Variants in KAZN observed in about 807,000 individuals in gnomAD.
KAZN encodes the protein kazrin, periplakin interacting protein.
In KAZN, 40 loss-of-function variants were observed where a neutral mutation model predicts 87.4. That is an observed-to-expected ratio of 0.46 (90% CI 0.36 to 0.60). The LOEUF is 0.60. Ranked by LOEUF, KAZN falls within the 20% of genes least tolerant of loss-of-function variation. The pLI, the probability that KAZN is intolerant of heterozygous loss-of-function variation, is 0.00. For missense variants in KAZN, 898 were observed against 1,073.9 expected, an observed-to-expected ratio of 0.84 and a Z score of 2.29; for synonymous variants, 466 against 458.3, an observed-to-expected ratio of 1.02 and a Z score of -0.22.
chr1:15,048,843 T>C (rs1673965011), intron 4 of KAZN, among the ~76,000 whole-genome samples: 1 of 151,190 alleles, frequency 6.6e-6, no homozygotes, highest in Admixed American at 6.6e-5. Flanking sequence ...TCGTTGGTCC[T>C]GGGTCGTTGG....
chr1:14,114,376 A>G (rs886951531), intron 1 of KAZN, among the ~76,000 whole-genome samples: 2 of 152,098 alleles, frequency 1.3e-5, no homozygotes, highest in African/African-American at 4.8e-5. Flanking sequence ...GGGAGGCAGG[A>G]TATGACTCTG....
At chr1:14,385,979 T>C (rs1428365249) in intron 2 of KAZN, among the ~76,000 whole-genome samples, 17 of 151,414 alleles carry the variant, frequency 1.1e-4, no homozygotes, top group Middle Eastern at 3.4e-3. Flanking sequence ...AGGACTTGCT[T>C]TATGAATCTG....
chr1:14,428,054 C>T (rs902902252), intron 2 of KAZN, among the ~76,000 whole-genome samples: 1 of 152,180 alleles, frequency 6.6e-6, no homozygotes, highest in African/African-American at 2.4e-5. Context: ...AGGTTATAGT[C>T]ACATTCTATG....
chr1:13,958,944 G>T (rs577309917), intron 1 of KAZN, among the ~76,000 whole-genome samples: 4 of 152,152 alleles, frequency 2.6e-5, no homozygotes, highest in Admixed American at 1.3e-4. Context: ...GCTAAGAAAA[G>T]CCAGGTGTGA....
chr1:15,083,055 C>G (rs1290698846), intron 8 of KAZN, among the ~76,000 whole-genome samples: 1 of 152,178 alleles, frequency 6.6e-6, no homozygotes, highest in African/African-American at 2.4e-5. Context: ...ACCACGTGAC[C>G]TTGAGGGCAC....
chr1:14,924,018 G>C (rs1432981930), intron 1 of KAZN: 2 of 712,560 alleles, frequency 2.8e-6, no homozygotes, highest in Non-Finnish European at 3.4e-6. Context: ...GGCGCTCCCC[G>C]GGCACTGGGG....
intron 2 of KAZN, among the ~76,000 whole-genome samples, chr1:14,197,825 A>G (rs991381687): frequency 1.3e-5 from 2 of 152,244 alleles, no homozygotes; most frequent in Non-Finnish European, 2.9e-5. Context: ...AAAAGCATAC[A>G]GGAATAAACA....
At chr1:14,633,532 A>G (rs1679736004) in intron 1 of KAZN, among the ~76,000 whole-genome samples, 1 of 152,190 alleles carries the variant, frequency 6.6e-6, no homozygotes, top group Non-Finnish European at 1.5e-5. Flanking sequence ...CCCTGTCTGC[A>G]TCTTGATTTT....
intron 1 of KAZN, among the ~76,000 whole-genome samples, chr1:14,004,830 T>C (rs1270653758): frequency 1.3e-5 from 2 of 152,154 alleles, no homozygotes; most frequent in Admixed American, 1.3e-4. Flanking sequence ...TTCTCAGGAA[T>C]GGATTAATGG....
At chr1:14,246,403 A>G (rs1294130574) in intron 2 of KAZN, among the ~76,000 whole-genome samples, 1 of 152,196 alleles carries the variant, frequency 6.6e-6, no homozygotes, top group Non-Finnish European at 1.5e-5. Flanking sequence ...TATTTGGGCT[A>G]TTAGCCTTTT....
In KAZN at chr1:14,389,484, A is replaced by AAC. The variant is rs1553165629; in HGVS notation, c.249+208893_249+208894insCA. ...ATCAACAGATGAATGGATAAAAAAA[A>AAC]ATGTTACACATACACAATGGAGTAC... On this transcript the variant is annotated intron_variant, in intron 2 of 16. Transcript: ENST00000636203. Among the ~76,000 whole-genome samples, 41 of 151,994 alleles carry AAC rather than the reference A, an allele frequency of 2.7e-4. No homozygotes were observed. The East Asian group carries it at 7.0e-3, about 26-fold the overall frequency.
At chr1:14,065,598 CT>C (rs1642977409) in intron 1 of KAZN, among the ~76,000 whole-genome samples, 1 of 148,944 alleles carries the variant, frequency 6.7e-6, no homozygotes, top group African/African-American at 2.5e-5. Flanking sequence ...CAAAGGAAAA[CT>C]GCTTCAAACA....
In KAZN at chr1:14,035,894, G is replaced by A. The variant is rs113336392; in HGVS notation, c.91+142138G>A. Among the ~76,000 whole-genome samples, 808 of 152,266 alleles carry A rather than the reference G, an allele frequency of 5.3e-3. 6 individuals carry two copies. Among genetic ancestry groups the A allele is most frequent in the Middle Eastern group, 0.01 (3 of 294 alleles). On this transcript the variant is annotated intron_variant, in intron 1 of 16. Coordinates refer to the KAZN transcript ENST00000636203. ...CAAATGTCTTTTAAGAAAAAAAGAAGTCTTCAATATATTTATTGTGAGGTG... is the reference window on the plus strand; with the variant it reads ...CAAATGTCTTTTAAGAAAAAAAGAAATCTTCAATATATTTATTGTGAGGTG...
intron 1 of KAZN, among the ~76,000 whole-genome samples, chr1:14,028,872 A>C (rs563178932): frequency 6.6e-6 from 1 of 152,114 alleles, no homozygotes; most frequent in East Asian, 1.9e-4. Context: ...CCAGTCTATC[A>C]TTGTTGGACA....
chr1:14,188,363 T>A (rs1646355706), intron 2 of KAZN, among the ~76,000 whole-genome samples: 2 of 152,102 alleles, frequency 1.3e-5, no homozygotes, highest in Non-Finnish European at 1.5e-5. Context: ...ATACAAATTA[T>A]TTTTTCAGAA....
chr1:14,249,497 A>C (rs12403204), intron 2 of KAZN, among the ~76,000 whole-genome samples: 18,066 of 152,232 alleles, frequency 0.12, 2,358 homozygotes, highest in African/African-American at 0.31. Flanking sequence ...AGATTCAAGC[A>C]TTCAAGAGAT....
At chr1:14,817,843 G>C (rs1305758726) in intron 1 of KAZN, among the ~76,000 whole-genome samples, 2 of 152,040 alleles carry the variant, frequency 1.3e-5, no homozygotes, top group East Asian at 3.9e-4. Context: ...TTTCATTTGA[G>C]GTATCCTAAT....
intron 2 of KAZN, among the ~76,000 whole-genome samples, chr1:14,465,216 GGT>G (rs1223378087): frequency 6.6e-6 from 1 of 151,738 alleles, no homozygotes; most frequent in Non-Finnish European, 1.5e-5. Context: ...TGGCTAACAT[GGT>G]GAAACCCCAT....
rs1163923880 is a variant in KAZN at position 15,021,225 on chromosome 1, G to A, written c.419-13524G>A. On this transcript the variant is annotated intron_variant, in intron 2 of 14. Transcript: ENST00000376030. The surrounding 1 kb of genome is among the most constrained non-coding windows in gnomAD (Gnocchi z 4.2). ...TGCCTCTTCCTCCTTTCTCAAGACC[G>A]AGCCCAGGCCATTATCTTGCCTGCA... Among the ~76,000 whole-genome samples, 3 of 152,212 alleles carry A rather than the reference G, an allele frequency of 2.0e-5. No individual in the cohort carries two copies. The highest frequency in any genetic ancestry group is 2.1e-4 in the South Asian group (1 of 4,820).
Sources: allele counts gnomAD v4.1 joint callset (sites outside exome capture counted in the v4.1 genomes callset), GRCh38; gene constraint gnomAD v4.1.1; non-coding constraint Gnocchi (gnomAD v3.1); transcripts MANE v1.5; gene names NCBI Gene and HGNC (gene_info 2026-07-23, HGNC 2026-07-21).